RASSF8: variants seen among roughly 807,000 people sequenced by gnomAD.
The protein encoded by RASSF8 is ras association domain-containing protein 8.
Under a neutral mutation model 48.5 loss-of-function variants are expected in RASSF8, and 22 were observed. The observed-to-expected ratio is 0.45, with a 90% CI of 0.32 to 0.65. RASSF8 has a LOEUF of 0.65. Among genes scored for constraint, RASSF8 ranks in the 30% least tolerant of loss-of-function variants. The pLI is 0.03. For synonymous variants in RASSF8, 127 were observed against 171.5 expected (o/e 0.74, Z 2.03); for missense variants, 418 against 489.2 (o/e 0.85, Z 1.37).
chr12:26,044,830 A>G lies in RASSF8; in HGVS notation c.-108-10406A>G, dbSNP rs190871693. On this transcript the variant is annotated intron_variant, in intron 2 of 5. Coordinates refer to ENST00000689635, the MANE Select transcript of RASSF8 (RefSeq NM_001394098.1). ...TTATTTAAAGCCCAAAACTTTCCCA[A>G]TTAATTGCAGAGCAGCACACAGTAT... is the stretch of plus-strand genomic sequence containing the variant. Among the ~76,000 whole-genome samples, 240 of 152,280 alleles carry G rather than the reference A, an allele frequency of 1.6e-3. 1 individual carries two copies. Among genetic ancestry groups the G allele is most frequent in the African/African-American group, 5.4e-3 (224 of 41,560 alleles).
chr12:25,996,269 A>C (rs1415794071), intron 2 of RASSF8, among the ~76,000 whole-genome samples: 3 of 152,272 alleles, frequency 2.0e-5, no homozygotes, highest in Non-Finnish European at 1.5e-5. Context: ...TGGCCTAAAA[A>C]GGAAAAGCAT....
At chr12:26,079,137 A>G in exon 6 of RASSF8, 1 of 1,134,098 alleles carries the variant, frequency 8.8e-7, no homozygotes, top group Non-Finnish European at 1.3e-6. Context: ...ATTAAACCCA[A>G]AACTCCTGCA....
chr12:26,064,891 TGAA>T lies in RASSF8; in HGVS notation c.502_504del (p.Lys168del). 2 of 1,614,200 alleles carry T rather than the reference TGAA, an allele frequency of 1.2e-6. No homozygotes were observed. The highest frequency in any genetic ancestry group is 1.7e-6 in the Non-Finnish European group (2 of 1,180,034). ...AACTGCAAAACAACAGCAGATGAGT[TGAA>T]GAAGCTAATCCGTCTGCAGACAGAG... On this transcript the variant is annotated inframe_deletion, in exon 4 of 6. Coordinates refer to ENST00000689635, the MANE Select transcript of RASSF8 (RefSeq NM_001394098.1).
At chr12:25,992,473 C>G (rs948263745) in intron 1 of RASSF8, among the ~76,000 whole-genome samples, 1 of 152,184 alleles carries the variant, frequency 6.6e-6, no homozygotes, top group African/African-American at 2.4e-5. Flanking sequence ...CCAGTGAGTA[C>G]TAAGTGTCAG....
At chr12:26,043,060 AAC>A (rs968801823) in intron 2 of RASSF8, among the ~76,000 whole-genome samples, 34 of 152,160 alleles carry the variant, frequency 2.2e-4, no homozygotes, top group African/African-American at 8.2e-4. Context: ...TTATTCGACA[AAC>A]ACACATGGTT....
chr12:26,067,612 A>G lies in RASSF8; in HGVS notation c.1037A>G (p.Gln346Arg). The G allele has an allele frequency of 6.2e-7, 1 of 1,614,004 alleles. No individual in the cohort carries two copies. The highest frequency in any genetic ancestry group is 1.1e-5 in the South Asian group (1 of 91,080). ...GAGCAGTTGACTAAGGAGTTGCGGC[A>G]AGTCAATCTCCAGCAGTTCATCCAG... The part of the protein sequence containing the change: ...ELEQLTKELR[Q>R]VNLQQFIQQT... Residue 346 changes from glutamine to arginine, a missense_variant, in exon 5 of 6, where the codon CAA (glutamine) becomes CGA (arginine). Transcript: ENST00000689635.
intron 2 of RASSF8, among the ~76,000 whole-genome samples, chr12:26,054,311 G>C (rs545649332): frequency 6.6e-6 from 1 of 152,172 alleles, no homozygotes; most frequent in East Asian, 1.9e-4. Flanking sequence ...AGGAAATAAA[G>C]AATATTTGGT....
In RASSF8 at chr12:26,064,780, C is replaced by T; in HGVS notation, c.386C>T (p.Ser129Leu). 1 of 1,614,160 alleles carries T rather than the reference C, an allele frequency of 6.2e-7. No homozygotes were observed. Among genetic ancestry groups the T allele is most frequent in the Non-Finnish European group, 8.5e-7 (1 of 1,180,034 alleles). Residue 129 changes from serine to leucine, a missense_variant, in exon 4 of 6, where the codon TCA becomes TTA. Ser to Leu is a moderately radical substitution (Grantham distance 145). Coordinates refer to ENST00000689635, the MANE Select transcript of RASSF8 (RefSeq NM_001394098.1). Reference protein sequence around the residue: ...SIKRREPKRKSLTFTGGAKGL... With the variant: ...SIKRREPKRKLLTFTGGAKGL... ...AAAAGGAGGGAACCGAAAAGGAAAT[C>T]ACTGACATTTACAGGAGGTGCCAAA...
intron 4 of RASSF8, among the ~76,000 whole-genome samples, chr12:26,067,356 T>A (rs1943898166): frequency 6.6e-6 from 1 of 152,196 alleles, no homozygotes; most frequent in Non-Finnish European, 1.5e-5. Context: ...AATGAAACTG[T>A]TGTCTTCCCT....
chr12:26,058,140 C>T (rs1476411707), intron 3 of RASSF8, among the ~76,000 whole-genome samples: 2 of 152,162 alleles, frequency 1.3e-5, no homozygotes, highest in East Asian at 1.9e-4. Context: ...TAACTCAATC[C>T]AAGAGCTGTT....
intron 2 of RASSF8, among the ~76,000 whole-genome samples, chr12:26,001,181 A>G (rs932972268): frequency 4.9e-5 from 7 of 144,226 alleles, no homozygotes; most frequent in African/African-American, 1.0e-4. Flanking sequence ...GCATTCCATC[A>G]TACCCGGCTA....
intron 2 of RASSF8, among the ~76,000 whole-genome samples, chr12:26,040,786 C>T (rs1943246868): frequency 1.3e-5 from 2 of 152,082 alleles, no homozygotes; most frequent in Admixed American, 6.5e-5. Context: ...TGAATATATT[C>T]ATATAGGACT....
chr12:26,054,464 C>G (rs1339659823), intron 2 of RASSF8, among the ~76,000 whole-genome samples: 3 of 152,138 alleles, frequency 2.0e-5, no homozygotes, highest in Non-Finnish European at 4.4e-5. Context: ...AGAAAACTAT[C>G]AAACCCAGTT....
At chr12:26,040,663 C>G (rs1196979184) in intron 2 of RASSF8, among the ~76,000 whole-genome samples, 2 of 152,152 alleles carry the variant, frequency 1.3e-5, no homozygotes, top group Non-Finnish European at 2.9e-5. Context: ...CCCACTTTAC[C>G]TGGCCTCCTC....
At chr12:25,998,893 G>A (rs775637793) in intron 2 of RASSF8, among the ~76,000 whole-genome samples, 12 of 152,130 alleles carry the variant, frequency 7.9e-5, no homozygotes, top group Non-Finnish European at 1.5e-4. Flanking sequence ...CCGGGAAAAT[G>A]TGAAGGAAAA....
In RASSF8 at chr12:26,024,697, C is replaced by T. The variant is rs192017284; in HGVS notation, c.-109+29567C>T. Among the ~76,000 whole-genome samples, 246 of 152,316 alleles carry T rather than the reference C, an allele frequency of 1.6e-3. 1 individual carries two copies. The highest frequency in any genetic ancestry group is 5.6e-3 in the African/African-American group (232 of 41,560). ...TTAGGCCGGGCGCTGTGGCTCACGC[C>T]CGTAATACCAGCACTTTGGGAGGCT... is the stretch of plus-strand genomic sequence containing the variant. On this transcript the variant is annotated intron_variant, in intron 2 of 5. Coordinates refer to ENST00000689635, the MANE Select transcript of RASSF8 (RefSeq NM_001394098.1).
chr12:26,060,048 C>T (rs562216672), intron 3 of RASSF8, among the ~76,000 whole-genome samples: 5 of 152,282 alleles, frequency 3.3e-5, no homozygotes, highest in African/African-American at 9.6e-5. Flanking sequence ...CAGGCACCCA[C>T]CACCACGCCC....
intron 1 of RASSF8, among the ~76,000 whole-genome samples, chr12:25,984,475 T>A (rs1324198283): frequency 6.6e-6 from 1 of 152,108 alleles, no homozygotes; most frequent in Non-Finnish European, 1.5e-5. Flanking sequence ...CCTGAGTAGC[T>A]GGTACTACAG....
chr12:25,976,327 G>A (rs904830611), intron 1 of RASSF8, among the ~76,000 whole-genome samples: 2 of 152,212 alleles, frequency 1.3e-5, no homozygotes, highest in Non-Finnish European at 2.9e-5. Context: ...GAGTGCAGGT[G>A]GAGTCTTCAT....
Sources: allele counts gnomAD v4.1 joint callset (sites outside exome capture counted in the v4.1 genomes callset), GRCh38; gene constraint gnomAD v4.1.1; transcripts MANE v1.5; gene names NCBI Gene and HGNC (gene_info 2026-07-23, HGNC 2026-07-21).